The following GPC5 variants were observed in gnomAD, a reference collection of about 807,000 sequenced individuals.
GPC5 encodes glypican 5.
In GPC5, 47 loss-of-function variants were observed where a neutral mutation model predicts 53.9. The ratio of observed to expected loss-of-function variants is 0.87; its 90% CI spans 0.69 to 1.11. The LOEUF (loss-of-function observed/expected upper bound fraction) is 1.11, where lower values mean the gene tolerates loss of function less well. Ranked by LOEUF, GPC5 falls within the 50% of genes most tolerant of loss-of-function variation. The probability of loss-of-function intolerance (pLI) is 0.00; values close to 1 mark genes in which losing one functional copy is unlikely to be tolerated. For missense variants in GPC5, 748 were observed against 713.1 expected (o/e 1.05, Z -0.56); for synonymous variants, 286 against 263.3 (o/e 1.09, Z -0.84).
chr13:92,324,391 A>ATGG (rs1292645526), intron 7 of GPC5, among the ~76,000 whole-genome samples: 1 of 151,942 alleles, frequency 6.6e-6, no homozygotes, highest in Non-Finnish European at 1.5e-5. Flanking sequence ...AATGACGTGC[A>ATGG]TGGTGAGGGA....
intron 7 of GPC5, among the ~76,000 whole-genome samples, chr13:92,310,038 T>C (rs1050337883): frequency 6.6e-6 from 1 of 152,166 alleles, no homozygotes. Flanking sequence ...TTGCTTACCA[T>C]GATGTCCTCC....
rs1555312577 is a variant in GPC5, at chr13:91,478,881, T to TATATATATATA, written c.325+29959_325+29960insATATATATATA. 1.8e-4 allele frequency among the ~76,000 whole-genome samples: 12 copies of TATATATATATA among 67,514 alleles called. 2 individuals are homozygous for TATATATATATA. The highest frequency in any genetic ancestry group is 7.9e-4 in the African/African-American group (12 of 15,272). The allele number at this position is 67,514 out of a possible 152,430, so 44.3% of individuals were successfully genotyped here. A position where few individuals can be genotyped will look rare whatever the true frequency, so the allele number is the denominator to read the frequency against. ...ATATACACACACATATATATACACA[T>TATATATATATA]TATATATATATATATATATATGCAC... is the stretch of plus-strand genomic sequence containing the variant. On this transcript the variant is annotated intron_variant, in intron 2 of 7. Transcript: ENST00000377067.
intron 6 of GPC5, among the ~76,000 whole-genome samples, chr13:92,101,481 G>A (rs932668814): frequency 1.3e-5 from 2 of 152,118 alleles, no homozygotes; most frequent in African/African-American, 2.4e-5. Flanking sequence ...TTCCCAATGT[G>A]TTTTTATGAA....
intron 7 of GPC5, among the ~76,000 whole-genome samples, chr13:92,555,355 A>G (rs1310083182): frequency 2.6e-5 from 4 of 151,562 alleles, no homozygotes; most frequent in African/African-American, 9.7e-5. Context: ...AATATACTTA[A>G]AATAATATTT....
rs386380215 is a variant in GPC5, at chr13:92,119,390, GTTTTTTTTTTTT to G, written c.1402-25426_1402-25415del. Among the ~76,000 whole-genome samples the G allele has an allele frequency of 4.3e-3, 283 of 65,688 alleles. 4 individuals are homozygous for G. The highest frequency in any genetic ancestry group is 4.3e-3 in the Non-Finnish European group (166 of 38,530). 43.1% of individuals were successfully genotyped at this position (65,688 alleles called of 152,430 possible). A position where few individuals can be genotyped will look rare whatever the true frequency, so the allele number is the denominator to read the frequency against. On this transcript the variant is annotated intron_variant, in intron 6 of 7. Transcript: ENST00000377067. Reference sequence around the variant, plus strand: ...TATATACATTCACATTAGGATTTTAGTTTTTTTTTTTTTTTTTTTTTTTTTGGAGACAGAGTC... The same window carrying G: ...TATATACATTCACATTAGGATTTTAGTTTTTTTTTTTTTGGAGACAGAGTC...
At position 92,144,914 on chromosome 13, in the gene GPC5, G is replaced by A; in HGVS notation, c.1486G>A (p.Gly496Arg). 1.9e-6 allele frequency: 3 copies of A among 1,605,052 alleles called. No individual in the cohort carries two copies. The highest frequency in any genetic ancestry group is 2.3e-5 in the East Asian group (1 of 44,304). Residue 496 changes from glycine (G) to arginine (R), a missense_variant, in exon 7 of 8, where the codon GGG (glycine) becomes AGG (arginine). Physicochemically the swap from Gly to Arg is moderately radical, Grantham distance 125 (BLOSUM62 -2). Coordinates refer to ENST00000377067, the MANE Select transcript of GPC5 (RefSeq NM_004466.6). ...SGGGMVEQVSGDCDDEDGCGG... is the reference protein window; with the variant it reads ...SGGGMVEQVSRDCDDEDGCGG... The stretch of plus-strand genomic sequence containing the variant: ...TGGAGGCATGGTTGAACAAGTCAGT[G>A]GGGACTGTGATGATGAAGATGGTTG...
At chr13:92,846,823 T>C (rs536880742) in intron 7 of GPC5, among the ~76,000 whole-genome samples, 1 of 152,338 alleles carries the variant, frequency 6.6e-6, no homozygotes, top group African/African-American at 2.4e-5. Flanking sequence ...AACAGAACTA[T>C]GTGGATATTT....
chr13:92,304,037 T>C (rs1395750535), intron 7 of GPC5, among the ~76,000 whole-genome samples: 2 of 152,172 alleles, frequency 1.3e-5, no homozygotes, highest in Non-Finnish European at 2.9e-5. Context: ...TATTGTTTAC[T>C]GTTGAGGTAT....
Position 92,361,958 on chromosome 13 carries a change from A to T in GPC5, c.1561+216969A>T, listed in dbSNP as rs528790228. On this transcript the variant is annotated intron_variant, in intron 7 of 7. Transcript: ENST00000377067. The stretch of plus-strand genomic sequence containing the variant: ...TGTAAGACACCCAGGTTTAAATTCA[A>T]ATTTTGACTTTTTTCTATAGCTCTT... Among the ~76,000 whole-genome samples the T allele has an allele frequency of 3.2e-3, 480 of 151,650 alleles. 1 individual carries two copies. Among genetic ancestry groups the T allele is most frequent in the South Asian group, 4.2e-3 (20 of 4,810 alleles).
intron 7 of GPC5, among the ~76,000 whole-genome samples, chr13:92,222,281 T>G (rs2139089325): frequency 6.6e-6 from 1 of 152,258 alleles, no homozygotes; most frequent in South Asian, 2.1e-4. Context: ...AAAATAACAC[T>G]AAATAACTGG....
chr13:91,556,956 C>G (rs926403370), intron 2 of GPC5, among the ~76,000 whole-genome samples: 2 of 151,908 alleles, frequency 1.3e-5, no homozygotes, highest in African/African-American at 4.8e-5. Flanking sequence ...CCTGTTCCCC[C>G]CAAAACCTGT....
intron 5 of GPC5, among the ~76,000 whole-genome samples, chr13:91,816,442 T>G (rs1054514516): frequency 1.6e-4 from 24 of 152,222 alleles, no homozygotes; most frequent in African/African-American, 4.8e-4. Context: ...ATGCACTCAG[T>G]TGGGGTCCCT....
chr13:91,759,510 C>T (rs1215296964), intron 5 of GPC5, among the ~76,000 whole-genome samples: 1 of 151,994 alleles, frequency 6.6e-6, no homozygotes, highest in Non-Finnish European at 1.5e-5. Context: ...TAATTATCCC[C>T]ATTACCCTCT....
intron 7 of GPC5, among the ~76,000 whole-genome samples, chr13:92,205,818 G>A (rs1407742945): frequency 6.6e-6 from 1 of 152,002 alleles, no homozygotes; most frequent in East Asian, 1.9e-4. Context: ...AGGCCCAGGC[G>A]GGTGGATCAC....
intron 6 of GPC5, among the ~76,000 whole-genome samples, chr13:91,934,917 A>G (rs2039855649): frequency 6.6e-6 from 1 of 152,008 alleles, no homozygotes; most frequent in African/African-American, 2.4e-5. Context: ...TACTATGGAA[A>G]ATAATAGATA....
Position 91,561,937 on chromosome 13 carries a change from C to T in GPC5, c.325+113015C>T, listed in dbSNP as rs960369743. ...AAGTTATCACTAGAAATGTGTACAG[C>T]TTGAATGCCATCTACTTTGTACCAT... On this transcript the variant is annotated intron_variant, in intron 2 of 7. Coordinates refer to ENST00000377067, the MANE Select transcript of GPC5 (RefSeq NM_004466.6). 1.2e-4 allele frequency among the ~76,000 whole-genome samples: 18 copies of T among 152,188 alleles called. No homozygotes were observed. The East Asian group carries it at 3.3e-3, about 28-fold the overall frequency.
intron 7 of GPC5, among the ~76,000 whole-genome samples, chr13:92,270,444 G>A (rs2042832311): frequency 6.6e-6 from 1 of 152,166 alleles, no homozygotes; most frequent in Admixed American, 6.5e-5. Flanking sequence ...TGTGTAAAGT[G>A]CTGGCTCCCC....
chr13:91,809,515 T>G (rs182316520), intron 5 of GPC5, among the ~76,000 whole-genome samples: 13 of 152,268 alleles, frequency 8.5e-5, no homozygotes, highest in Admixed American at 6.5e-4. Flanking sequence ...GCCTTGTTGG[T>G]TGTGGCTCTG....
chr13:91,763,802 A>G (rs371350898), intron 5 of GPC5, among the ~76,000 whole-genome samples: 1 of 152,176 alleles, frequency 6.6e-6, no homozygotes, highest in Admixed American at 6.5e-5. Context: ...TAACAAATAT[A>G]GTCACCCCTT....
Sources: allele counts gnomAD v4.1 joint callset (sites outside exome capture counted in the v4.1 genomes callset), GRCh38; gene constraint gnomAD v4.1.1; transcripts MANE v1.5; gene names NCBI Gene and HGNC (gene_info 2026-07-23, HGNC 2026-07-21).